CEP112: variants seen among roughly 807,000 people sequenced by gnomAD.
The protein encoded by CEP112 is centrosomal protein 112, also known as centrosomal protein of 112 kDa.
Under a neutral mutation model 153.0 loss-of-function variants are expected in CEP112, and 127 were observed. The observed-to-expected ratio is 0.83, with a 90% CI of 0.72 to 0.96. The LOEUF (loss-of-function observed/expected upper bound fraction) is 0.96, where lower values mean the gene tolerates loss of function less well. Ranked by LOEUF, CEP112 falls within the 40% of genes least tolerant of loss-of-function variation. The probability of loss-of-function intolerance (pLI) is 0.00; values close to 1 mark genes in which losing one functional copy is unlikely to be tolerated. For synonymous variants in CEP112, 358 were observed against 374.4 expected (o/e 0.96, Z 0.51); for missense variants, 1,089 against 1,101.2 (o/e 0.99, Z 0.16).
At chr17:66,039,491 C>T (rs1471071367) in intron 12 of CEP112, among the ~76,000 whole-genome samples, 1 of 151,996 alleles carries the variant, frequency 6.6e-6, no homozygotes, top group East Asian at 1.9e-4. Flanking sequence ...GAAAATAGGA[C>T]TATTTTCATA....
intron 21 of CEP112, among the ~76,000 whole-genome samples, chr17:65,777,436 C>T (rs2145589122): frequency 6.6e-6 from 1 of 152,320 alleles, no homozygotes; most frequent in South Asian, 2.1e-4. Context: ...TTGCCACCTG[C>T]TGACTTGCCG....
intron 21 of CEP112, among the ~76,000 whole-genome samples, chr17:65,809,968 C>G (rs1410707308): frequency 6.6e-6 from 1 of 152,100 alleles, no homozygotes; most frequent in Non-Finnish European, 1.5e-5. Context: ...TGATTAAAAC[C>G]TATCAGAGAA....
chr17:65,891,842 T>C (rs1274258740), intron 20 of CEP112, among the ~76,000 whole-genome samples: 1 of 152,198 alleles, frequency 6.6e-6, no homozygotes, highest in African/African-American at 2.4e-5. Flanking sequence ...TCTGCACCAA[T>C]TGTTGCCTCA....
chr17:66,176,085 T>C (rs1404083600), intron 3 of CEP112, among the ~76,000 whole-genome samples: 3 of 152,362 alleles, frequency 2.0e-5, no homozygotes, highest in African/African-American at 7.2e-5. Flanking sequence ...TATTCTCTAA[T>C]GTTCAGCGTG....
chr17:65,937,610 G>T (rs1360945149), intron 18 of CEP112, among the ~76,000 whole-genome samples: 2 of 104,388 alleles, frequency 1.9e-5, no homozygotes, highest in Non-Finnish European at 4.0e-5. Flanking sequence ...CCGTCCGGGA[G>T]GGAGGTGGGG....
chr17:65,783,795 T>A (rs952231841), intron 21 of CEP112, among the ~76,000 whole-genome samples: 7 of 152,224 alleles, frequency 4.6e-5, no homozygotes, highest in Non-Finnish European at 8.8e-5. Flanking sequence ...GAATTTCCCA[T>A]CACCCAGACC....
intron 24 of CEP112, chr17:65,644,191 C>T (rs980068680): frequency 1.2e-4 from 87 of 740,896 alleles, no homozygotes; most frequent in Middle Eastern, 3.4e-4. Flanking sequence ...GCTATGGTTG[C>T]GTTGGGGACC....
intron 23 of CEP112, among the ~76,000 whole-genome samples, chr17:65,698,667 T>G (rs977444753): frequency 1.3e-5 from 2 of 151,696 alleles, no homozygotes; most frequent in African/African-American, 4.8e-5. Flanking sequence ...CAAAGCACAT[T>G]CCCCCGCTTC....
chr17:66,037,926 T>C lies in CEP112; in HGVS notation c.1219-7903A>G, dbSNP rs148768495. Among the ~76,000 whole-genome samples the C allele has an allele frequency of 2.0e-4, 30 of 151,998 alleles. No individual in the cohort carries two copies. In the East Asian group the frequency reaches 3.9e-3, roughly 20 times the overall value. ...AGTATATACATAGATATGATTATTA[T>C]ATATCTGAGGCCCACCAGATGGACA... On this transcript the variant is annotated intron_variant, in intron 12 of 26. Coordinates refer to ENST00000535342, the MANE Select transcript of CEP112 (RefSeq NM_001199165.4).
intron 18 of CEP112, among the ~76,000 whole-genome samples, chr17:65,951,801 A>C (rs2061846348): frequency 8.2e-6 from 1 of 122,064 alleles, no homozygotes; most frequent in Non-Finnish European, 1.6e-5. Context: ...TTCTGGTTTC[A>C]TCAGGTGAAG....
At chr17:65,781,341 T>C (rs992925905) in intron 21 of CEP112, among the ~76,000 whole-genome samples, 1 of 151,988 alleles carries the variant, frequency 6.6e-6, no homozygotes, top group African/African-American at 2.4e-5. Flanking sequence ...AAATAAATCA[T>C]AGATGAAACA....
At chr17:65,650,446 G>A (rs2045685817) in intron 24 of CEP112, among the ~76,000 whole-genome samples, 1 of 152,138 alleles carries the variant, frequency 6.6e-6, no homozygotes, top group Admixed American at 6.5e-5. Context: ...TCCTGGCAAG[G>A]AGCACTTCTA....
intron 4 of CEP112, among the ~76,000 whole-genome samples, chr17:66,162,490 AAG>A (rs1260599696): frequency 2.6e-5 from 4 of 152,232 alleles, no homozygotes; most frequent in African/African-American, 9.6e-5. Context: ...AGACATGTAA[AAG>A]AGTATTCACA....
intron 21 of CEP112, among the ~76,000 whole-genome samples, chr17:65,796,900 A>G (rs1463998513): frequency 6.6e-6 from 1 of 151,612 alleles, no homozygotes; most frequent in Non-Finnish European, 1.5e-5. Flanking sequence ...AGACAAGAAA[A>G]AAAATTAGCT....
intron 21 of CEP112, among the ~76,000 whole-genome samples, chr17:65,816,588 A>G (rs1470260481): frequency 6.6e-6 from 1 of 151,992 alleles, no homozygotes; most frequent in Non-Finnish European, 1.5e-5. Flanking sequence ...GTCTTAATAT[A>G]GTGAATTACA....
intron 21 of CEP112, among the ~76,000 whole-genome samples, chr17:65,828,236 T>C (rs1435429743): frequency 2.6e-5 from 4 of 152,212 alleles, no homozygotes; most frequent in Admixed American, 6.5e-5. Context: ...CTTTTCAAAA[T>C]AGTCTCCCTG....
At chr17:65,747,025 T>C (rs2145206422) in intron 22 of CEP112, among the ~76,000 whole-genome samples, 1 of 151,988 alleles carries the variant, frequency 6.6e-6, no homozygotes, top group East Asian at 1.9e-4. Context: ...ATAATAATTG[T>C]TAAGCAATTA....
intron 1 of CEP112, among the ~76,000 whole-genome samples, chr17:66,184,133 T>TGTA (rs1288933764): frequency 2.0e-5 from 3 of 152,038 alleles, no homozygotes; most frequent in Admixed American, 6.6e-5. Flanking sequence ...GGCACGTACC[T>TGTA]GTAGTCCCAG....
chr17:65,837,324 C>T (rs1199628423), intron 21 of CEP112, among the ~76,000 whole-genome samples: 1 of 151,658 alleles, frequency 6.6e-6, no homozygotes, highest in Non-Finnish European at 1.5e-5. Flanking sequence ...TGAGGAGCGC[C>T]TCTTCCTGGC....
Sources: gnomAD v4.1 joint callset for allele counts (sites outside exome capture counted in the v4.1 genomes callset) on GRCh38, gnomAD v4.1.1 for gene constraint, MANE v1.5 for transcripts, NCBI Gene and HGNC (gene_info 2026-07-23, HGNC 2026-07-21) for gene names.